The following HDAC4 variants were observed in gnomAD, a reference collection of about 807,000 sequenced individuals.
The protein encoded by HDAC4 is histone deacetylase 4.
HDAC4 carries 16 observed loss-of-function variants against 135.1 expected under a neutral mutation model. The observed-to-expected ratio is 0.12, with a 90% confidence interval of 0.08 to 0.18. The LOEUF is 0.18. Among genes scored for constraint, HDAC4 ranks in the 10% least tolerant of loss-of-function variants. HDAC4 has a pLI of 1.00. For missense variants in HDAC4, 1,143 were observed against 1,511.8 expected (o/e 0.76, Z 4.05); for synonymous variants, 685 against 653.4 (o/e 1.05, Z -0.74).
At chr2:239,277,230 C>T (rs889674050) in intron 2 of HDAC4, among the ~76,000 whole-genome samples, 1 of 152,192 alleles carries the variant, frequency 6.6e-6, no homozygotes, top group Non-Finnish European at 1.5e-5. Context: ...CTCCCAGAGC[C>T]GAGCCCGGTG....
chr2:239,383,875 C>T (rs1252989420), intron 1 of HDAC4, among the ~76,000 whole-genome samples: 1 of 152,210 alleles, frequency 6.6e-6, no homozygotes, highest in South Asian at 2.1e-4. Context: ...CACAGAGTCC[C>T]CCAGACAGCA....
chr2:239,378,834 C>T (rs988445804), intron 1 of HDAC4, among the ~76,000 whole-genome samples: 15 of 152,150 alleles, frequency 9.9e-5, no homozygotes, highest in East Asian at 1.9e-4. Flanking sequence ...TTGGCAGAGT[C>T]GGACAATTTG....
At chr2:239,292,511 G>A (rs578202720) in intron 2 of HDAC4, among the ~76,000 whole-genome samples, 22 of 152,298 alleles carry the variant, frequency 1.4e-4, no homozygotes, top group Non-Finnish European at 2.9e-4. Flanking sequence ...CGAGAAACCA[G>A]TACCCCTGTG....
chr2:239,054,684 T>C, intron 25 of HDAC4, 65 bp downstream of exon 25: 1 of 982,914 alleles, frequency 1.0e-6, no homozygotes, highest in South Asian at 1.3e-5. Context: ...GGGACAGGGA[T>C]GGGGTGTGGT....
At chr2:239,094,399 C>G (rs1443922743) in intron 17 of HDAC4, 39 of 622,672 alleles carry the variant, frequency 6.3e-5, no homozygotes, top group Non-Finnish European at 7.4e-5. Context: ...CAGGCCAGGT[C>G]CATATCATCA....
chr2:239,333,546 A>G (rs1006216329), intron 2 of HDAC4, among the ~76,000 whole-genome samples: 1 of 152,226 alleles, frequency 6.6e-6, no homozygotes, highest in Non-Finnish European at 1.5e-5. Context: ...ATATAAAAAG[A>G]ATAACACATT....
rs371544025 is a variant in HDAC4 at position 239,237,910 on chromosome 2, C to G, written c.23-1246G>C. Among the ~76,000 whole-genome samples the G allele has an allele frequency of 1.8e-4, 28 of 152,338 alleles. No individual in the cohort carries two copies. In the South Asian group the frequency reaches 4.8e-3, roughly 26 times the overall value. The stretch of plus-strand genomic sequence containing the variant: ...CTCGGCAACTCTTAAGGTTTGAAAA[C>G]AGAAGTAAAGACAGTAAGACACTGG... On this transcript the variant is annotated intron_variant, in intron 2 of 26. Transcript: ENST00000543185.
Position 239,061,697 on chromosome 2 carries a change from C to T in HDAC4, c.3003+5025G>A, listed in dbSNP as rs553785692. Among the ~76,000 whole-genome samples, 3 of 152,294 alleles carry T rather than the reference C, an allele frequency of 2.0e-5. No homozygotes were observed. The South Asian group carries it at 6.2e-4, about 32-fold the overall frequency. On this transcript the variant is annotated intron_variant, in intron 24 of 26. Coordinates refer to ENST00000543185, the MANE Select transcript of HDAC4 (RefSeq NM_001378414.1). ...AATCCAACTCAGTCCCTCACACACACTTGGTTTTCGTTACTTTGTTAGAGC... is the reference window on the plus strand; with the variant it reads ...AATCCAACTCAGTCCCTCACACACATTTGGTTTTCGTTACTTTGTTAGAGC...
At chr2:239,168,054 G>C (rs2043220272) in intron 5 of HDAC4, among the ~76,000 whole-genome samples, 2 of 152,228 alleles carry the variant, frequency 1.3e-5, no homozygotes, top group African/African-American at 4.8e-5. Context: ...CCAGACGACA[G>C]AGCTGTGGCA....
intron 11 of HDAC4, among the ~76,000 whole-genome samples, chr2:239,131,536 G>A (rs2040585322): frequency 2.6e-5 from 4 of 152,190 alleles, no homozygotes; most frequent in Admixed American, 2.0e-4. Context: ...TGGGATGAGG[G>A]GGCAGACGAA....
At chr2:239,109,428 G>A (rs12468306) in intron 14 of HDAC4, among the ~76,000 whole-genome samples, 14,661 of 152,214 alleles carry the variant, frequency 0.096, 1,062 homozygotes, top group Admixed American at 0.24. Context: ...CAGCCAAGGG[G>A]AGCTGAGATT....
chr2:239,068,433 A>G lies in HDAC4; in HGVS notation c.2869+56T>C. On this transcript the variant is annotated intron_variant, in intron 23 of 26. Coordinates refer to ENST00000543185, the MANE Select transcript of HDAC4 (RefSeq NM_001378414.1). The surrounding 1 kb of genome is among the most constrained non-coding windows in gnomAD (Gnocchi z 4.4). Reference sequence around the variant, plus strand: ...AAAGGGGACCTGACACGCGGAACACAGCGGATCATGGACATGAGCAGAACC... The same window carrying G: ...AAAGGGGACCTGACACGCGGAACACGGCGGATCATGGACATGAGCAGAACC... The G allele has an allele frequency of 8.0e-7, 1 of 1,251,598 alleles. No homozygotes were observed. The highest frequency in any genetic ancestry group is 2.3e-5 in the East Asian group (1 of 43,146). 77.5% of individuals were successfully genotyped at this position (1,251,598 alleles called of 1,614,324 possible).
chr2:239,134,855 G>A (rs866194538), intron 9 of HDAC4, among the ~76,000 whole-genome samples: 4 of 152,198 alleles, frequency 2.6e-5, no homozygotes, highest in Non-Finnish European at 4.4e-5. Flanking sequence ...TCCTCCTCCC[G>A]ATACGAGTTC....
intron 16 of HDAC4, among the ~76,000 whole-genome samples, chr2:239,098,268 G>A (rs2037296790): frequency 6.6e-6 from 1 of 152,224 alleles, no homozygotes; most frequent in African/African-American, 2.4e-5. Flanking sequence ...GCCACGAAAC[G>A]TTCCAGCCTG....
intron 3 of HDAC4, among the ~76,000 whole-genome samples, chr2:239,234,148 A>G (rs2047750968): frequency 6.6e-6 from 1 of 152,216 alleles, no homozygotes; most frequent in Non-Finnish European, 1.5e-5. Flanking sequence ...CTTCTAAGGC[A>G]CAGGCCACTG....
At chr2:239,339,328 C>T (rs897856582) in intron 2 of HDAC4, among the ~76,000 whole-genome samples, 5 of 152,186 alleles carry the variant, frequency 3.3e-5, no homozygotes, top group African/African-American at 1.2e-4. Flanking sequence ...AAAGTCAAAG[C>T]CCAGTATCTT....
At position 239,341,370 on chromosome 2, in the gene HDAC4, G is replaced by A. The variant is rs114752652; in HGVS notation, c.22+11308C>T. 4.1e-3 allele frequency among the ~76,000 whole-genome samples: 618 copies of A among 152,346 alleles called. 2 individuals are homozygous for A. The highest frequency in any genetic ancestry group is 0.014 in the African/African-American group (576 of 41,584). ...AGCAGGAAGGTTTGTGTTGTGCAGT[G>A]TCAGACCGGGATGAGGAGACAGGGC... On this transcript the variant is annotated intron_variant, in intron 2 of 26. Coordinates refer to ENST00000543185, the MANE Select transcript of HDAC4 (RefSeq NM_001378414.1).
At chr2:239,064,130 G>A (rs1201096805) in intron 24 of HDAC4, among the ~76,000 whole-genome samples, 3 of 152,070 alleles carry the variant, frequency 2.0e-5, no homozygotes, top group South Asian at 2.1e-4. Context: ...GACGCGCACC[G>A]CCCTGGCTTC....
At chr2:239,386,550 T>A (rs564601915) in intron 1 of HDAC4, among the ~76,000 whole-genome samples, 1 of 152,216 alleles carries the variant, frequency 6.6e-6, no homozygotes, top group East Asian at 1.9e-4. Context: ...AAGGCGTCCA[T>A]GCAGAGGCAT....
Sources: allele counts gnomAD v4.1 joint callset (sites outside exome capture counted in the v4.1 genomes callset), GRCh38; gene constraint gnomAD v4.1.1; non-coding constraint Gnocchi (gnomAD v3.1); transcripts MANE v1.5; gene names NCBI Gene and HGNC (gene_info 2026-07-23, HGNC 2026-07-21).